The following UBR4 variants were observed in gnomAD, a reference collection of about 807,000 sequenced individuals.
UBR4 encodes ubiquitin protein ligase E3 component n-recognin 4.
UBR4 carries 124 observed loss-of-function variants against 575.6 expected under a neutral mutation model. The observed-to-expected ratio is 0.22, with a 90% CI of 0.19 to 0.25. The LOEUF is 0.25. Ranked by LOEUF, UBR4 falls within the 10% of genes least tolerant of loss-of-function variation. UBR4 has a pLI of 1.00. For missense variants in UBR4, 4,818 were observed against 6,478.8 expected, an observed-to-expected ratio of 0.74 and a Z score of 8.80; for synonymous variants, 2,455 against 2,473.7, an observed-to-expected ratio of 0.99 and a Z score of 0.22.
In UBR4 at chr1:19,112,641, G is replaced by C. The variant is rs373475313; in HGVS notation, c.11684C>G (p.Ala3895Gly). 7 of 1,614,164 alleles carry C rather than the reference G, an allele frequency of 4.3e-6. No homozygotes were observed. The highest frequency in any genetic ancestry group is 5.9e-6 in the Non-Finnish European group (7 of 1,180,056). ...CTGGGAGACAAGGATGTGCCTCAAG[G>C]CTGGGTTGGTGGCCAGGGCCCGAAG... ...TLLRALATNPALRHILVSQGL... is the reference protein window; with the variant it reads ...TLLRALATNPGLRHILVSQGL... Residue 3895 changes from alanine to glycine, a missense_variant, in exon 78 of 106, where the codon GCC (alanine) becomes GGC (glycine). Around this residue, in one of 29 missense-constraint regions of UBR4, gnomAD observed 333 missense variants for 459.2 expected, o/e 0.73. Coordinates refer to ENST00000375254, the MANE Select transcript of UBR4 (RefSeq NM_020765.3).
In UBR4 at chr1:19,093,617, T is replaced by A; in HGVS notation, c.13938-131A>T. On this transcript the variant is annotated intron_variant, in intron 95 of 105. Transcript: ENST00000375254. The surrounding 1 kb of genome is among the most constrained non-coding windows in gnomAD (Gnocchi z 4.8). ...AATTCCCTAACGTGACACAAAGACC[T>A]ATCTGCCCCGGCTCCTGCCACTCTC... The A allele has an allele frequency of 9.9e-7, 1 of 1,009,474 alleles. No homozygotes were observed. The highest frequency in any genetic ancestry group is 1.6e-5 in the South Asian group (1 of 61,428). 62.5% of individuals were successfully genotyped at this position (1,009,474 alleles called of 1,614,324 possible).
intron 8 of UBR4, among the ~76,000 whole-genome samples, chr1:19,194,633 C>T (rs1571723661): frequency 6.6e-6 from 1 of 152,100 alleles, no homozygotes; most frequent in East Asian, 1.9e-4. Flanking sequence ...GAAACCCCAT[C>T]TCTACTAAAA....
Position 19,123,042 on chromosome 1 carries a change from T to G in UBR4, c.9607A>C (p.Thr3203Pro). The G allele has an allele frequency of 6.2e-7, 1 of 1,613,968 alleles. No individual in the cohort carries two copies. Among genetic ancestry groups the G allele is most frequent in the East Asian group, 2.2e-5 (1 of 44,858 alleles). The change falls in exon 66 of 106, where the codon ACT becomes CCT. Residue 3203 changes from threonine to proline, a missense_variant. By Grantham distance (38) the Thr-to-Pro change is conservative. Around this residue, in one of 29 missense-constraint regions of UBR4, gnomAD observed 550 missense variants for 791.5 expected, o/e 0.69. Coordinates refer to ENST00000375254, the MANE Select transcript of UBR4 (RefSeq NM_020765.3). ...FLSEYLMIQQ[T>P]PFVRRQVRKL... ...CGGACTTGACGGCGCACAAATGGAGTCTGCTGGATCATGAGGTACTTGAGA... is the reference window on the plus strand; with the variant it reads ...CGGACTTGACGGCGCACAAATGGAGGCTGCTGGATCATGAGGTACTTGAGA...
At chr1:19,086,482 C>G (rs2077029621) in intron 100 of UBR4, among the ~76,000 whole-genome samples, 197 bp downstream of exon 100, 1 of 152,242 alleles carries the variant, frequency 6.6e-6, no homozygotes, top group African/African-American at 2.4e-5. Flanking sequence ...GCTGTTCTCA[C>G]TAGCCTTGGG....
chr1:19,162,397 C>T, intron 35 of UBR4, 23 bp downstream of exon 35: 1 of 1,599,098 alleles, frequency 6.3e-7, no homozygotes, highest in Non-Finnish European at 8.5e-7. Context: ...GAGAGGTTAA[C>T]TTCGAGGTTA....
rs1571329377 is a variant in UBR4 at position 19,164,966 on chromosome 1, A to G, written c.4344T>C (p.His1448=). 1 of 1,614,128 alleles carries G rather than the reference A, an allele frequency of 6.2e-7. No homozygotes were observed. Among genetic ancestry groups the G allele is most frequent in the Non-Finnish European group, 8.5e-7 (1 of 1,180,014 alleles). Reference sequence around the variant, plus strand: ...CCAGTTGTGCCAGGGAGCCACAGAGATGCAACAGGCTCGGGTTAGGGCTCT... The same window carrying G: ...CCAGTTGTGCCAGGGAGCCACAGAGGTGCAACAGGCTCGGGTTAGGGCTCT... The part of the protein sequence containing the change: ...TEKSPNPSLL[H]LCGSLAQLAC... Residue 1448 remains histidine (H), a synonymous_variant, in exon 32 of 106, where the codon CAT becomes CAC. Coordinates refer to ENST00000375254, the MANE Select transcript of UBR4 (RefSeq NM_020765.3).
Position 19,096,610 on chromosome 1 carries a change from A to T in UBR4, c.13431T>A (p.Gly4477=), listed in dbSNP as rs767213273. ...EDEEEVYKMA[G]VMAQCGGLEC... ...CCAGGCCCCCACACTGGGCCATCAC[A>T]CCAGCCATTTTATACACTTCTTCTT... The change falls in exon 92 of 106, where the codon GGT becomes GGA. Residue 4477 remains glycine, a synonymous_variant. Transcript: ENST00000375254. The T allele has an allele frequency of 3.7e-6, 6 of 1,612,666 alleles. No individual in the cohort carries two copies. Among genetic ancestry groups the T allele is most frequent in the South Asian group, 1.1e-5 (1 of 91,006 alleles).
At chr1:19,169,034 G>C (rs375233721) in intron 27 of UBR4, among the ~76,000 whole-genome samples, 1 of 151,036 alleles carries the variant, frequency 6.6e-6, no homozygotes. Context: ...AGCTAAAAGC[G>C]ACCCTGTAAA....
At chr1:19,091,363 C>G (rs949303829) in intron 97 of UBR4, among the ~76,000 whole-genome samples, 19 of 152,290 alleles carry the variant, frequency 1.2e-4, no homozygotes, top group African/African-American at 4.6e-4. Flanking sequence ...TTACTGTACT[C>G]AAGTTACCAT....
intron 41 of UBR4, 25 bp downstream of exon 41, chr1:19,156,742 A>G (rs2086517820): frequency 1.2e-6 from 2 of 1,607,862 alleles, no homozygotes; most frequent in African/African-American, 1.3e-5. Flanking sequence ...GCTCAAGGCA[A>G]TCAAACCTAG....
intron 8 of UBR4, among the ~76,000 whole-genome samples, chr1:19,194,061 C>T (rs1212226240): frequency 1.3e-5 from 2 of 152,086 alleles, no homozygotes; most frequent in African/African-American, 4.8e-5. Context: ...AATGAATAGG[C>T]AAAGGGGATT....
Position 19,151,834 on chromosome 1 carries a change from C to T in UBR4, c.7022G>A (p.Ser2341Asn). 6.2e-7 allele frequency: 1 copy of T among 1,608,474 alleles called. No individual in the cohort carries two copies. The highest frequency in any genetic ancestry group is 8.5e-7 in the Non-Finnish European group (1 of 1,176,550). ...TKPGGFTIEISNNNSTMVMTG... is the reference protein window; with the variant it reads ...TKPGGFTIEINNNNSTMVMTG... ...CATCACCATAGTGCTATTGTTGTTA[C>T]TAATCTCAATGGTGAAGCCTCCGGG... Residue 2341 changes from serine to asparagine, a missense_variant, in exon 48 of 106, where the codon AGT (serine) becomes AAT (asparagine). Transcript: ENST00000375254.
At chr1:19,196,099 TCCTA>T (rs1407768296) in intron 8 of UBR4, among the ~76,000 whole-genome samples, 1 of 151,914 alleles carries the variant, frequency 6.6e-6, no homozygotes, top group Non-Finnish European at 1.5e-5. Flanking sequence ...CAAGCCGAGA[TCCTA>T]CCTGACTTAA....
intron 1 of UBR4, among the ~76,000 whole-genome samples, chr1:19,207,730 G>A (rs1283422671): frequency 6.6e-6 from 1 of 152,080 alleles, no homozygotes; most frequent in East Asian, 1.9e-4. Flanking sequence ...ATGGCCTGCA[G>A]GCCAAATCCA....
At chr1:19,141,306 C>G in intron 57 of UBR4, 41 bp downstream of exon 57, 1 of 1,613,576 alleles carries the variant, frequency 6.2e-7, no homozygotes, top group Non-Finnish European at 8.5e-7. Context: ...TTTTCCTGTG[C>G]AAGGCCAATG....
intron 67 of UBR4, among the ~76,000 whole-genome samples, 169 bp downstream of exon 67, chr1:19,121,765 C>T (rs1208304365): frequency 6.6e-6 from 1 of 152,144 alleles, no homozygotes; most frequent in African/African-American, 2.4e-5. Context: ...GACCAGCCCT[C>T]ACCACTCTTT....
At chr1:19,136,583 G>GA (rs1230275632) in intron 60 of UBR4, among the ~76,000 whole-genome samples, 2 of 152,036 alleles carry the variant, frequency 1.3e-5, no homozygotes, top group Non-Finnish European at 2.9e-5. Flanking sequence ...AGGCCACAAA[G>GA]AAAAGGACAC....
At chr1:19,122,082 G>T in intron 66 of UBR4, 70 bp from the exon 67 acceptor site, 1 of 1,498,978 alleles carries the variant, frequency 6.7e-7, no homozygotes, top group Non-Finnish European at 9.3e-7. Context: ...CACACCTGCT[G>T]CCTGGAGCCA....
Position 19,100,433 on chromosome 1 carries a change from G to A in UBR4, c.13164C>T (p.Asn4388=). ...GIGPLMRDIK[N]KICQDCDLVA... is the part of the protein sequence containing the mutation. ...CTAAGTCACAGTCCTGGCAAATCTTGTTCTTTATATCCCTCATCAGCGGCC... is the reference window on the plus strand; with the variant it reads ...CTAAGTCACAGTCCTGGCAAATCTTATTCTTTATATCCCTCATCAGCGGCC... Residue 4388 remains asparagine (N), a synonymous_variant, in exon 89 of 106, where the codon AAC becomes AAT. Coordinates refer to ENST00000375254, the MANE Select transcript of UBR4 (RefSeq NM_020765.3). The surrounding 1 kb of genome is among the most constrained non-coding windows in gnomAD (Gnocchi z 4.2). 1 of 1,614,132 alleles carries A rather than the reference G, an allele frequency of 6.2e-7. No homozygotes were observed. The highest frequency in any genetic ancestry group is 8.5e-7 in the Non-Finnish European group (1 of 1,180,016).
Sources: allele counts gnomAD v4.1 joint callset (sites outside exome capture counted in the v4.1 genomes callset), GRCh38; gene constraint gnomAD v4.1.1; regional missense constraint gnomAD v4.1.1; non-coding constraint Gnocchi (gnomAD v3.1); transcripts MANE v1.5; gene names NCBI Gene and HGNC (gene_info 2026-07-23, HGNC 2026-07-21).